OSBPL6: variants seen among roughly 807,000 people sequenced by gnomAD.
OSBPL6 encodes the protein oxysterol-binding protein-related protein 6.
OSBPL6 carries 49 observed loss-of-function variants against 125.8 expected under a neutral mutation model. That is an observed-to-expected ratio of 0.39 (90% CI 0.31 to 0.49). The LOEUF (loss-of-function observed/expected upper bound fraction) is 0.49, where lower values mean the gene tolerates loss of function less well. Ranked by LOEUF, OSBPL6 falls within the 20% of genes least tolerant of loss-of-function variation. The probability of loss-of-function intolerance (pLI) is 0.88; values close to 1 mark genes in which losing one functional copy is unlikely to be tolerated. For missense variants in OSBPL6, 986 were observed against 1,135.4 expected (o/e 0.87, Z 1.89); for synonymous variants, 394 against 391.8 (o/e 1.01, Z -0.07).
chr2:178,200,300 C>A (rs981589783), intron 1 of OSBPL6, among the ~76,000 whole-genome samples: 2 of 148,298 alleles, frequency 1.3e-5, no homozygotes, highest in African/African-American at 5.0e-5. Context: ...CACCCAGGCC[C>A]GAGTGCAGCG....
At chr2:178,270,134 G>C (rs1439346845) in intron 1 of OSBPL6, among the ~76,000 whole-genome samples, 1 of 152,134 alleles carries the variant, frequency 6.6e-6, no homozygotes, top group African/African-American at 2.4e-5. Flanking sequence ...GCAGGGTTGG[G>C]GGTAGGCTCA....
chr2:178,271,972 G>T (rs1392841206), intron 1 of OSBPL6, among the ~76,000 whole-genome samples: 13 of 152,186 alleles, frequency 8.5e-5, no homozygotes, highest in Admixed American at 8.5e-4. Flanking sequence ...GACTTAGATT[G>T]TTCTTTCAGG....
chr2:178,349,953 C>T (rs1347848276), intron 12 of OSBPL6, among the ~76,000 whole-genome samples: 2 of 152,186 alleles, frequency 1.3e-5, no homozygotes, highest in Non-Finnish European at 2.9e-5. Context: ...CTGCACACAA[C>T]TGTGCCGCCT....
intron 15 of OSBPL6, among the ~76,000 whole-genome samples, chr2:178,377,612 G>C (rs1694001145): frequency 6.6e-6 from 1 of 152,154 alleles, no homozygotes; most frequent in Non-Finnish European, 1.5e-5. Flanking sequence ...TGCAGGCTAG[G>C]CTCAAGCTAC....
chr2:178,391,109 G>C lies in OSBPL6; in HGVS notation c.2338G>C (p.Gly780Arg). The part of the protein sequence containing the change: ...YWNSNMNEVQ[G>R]VVIDQEGKAV... Reference sequence around the variant, plus strand: ...GAATTCTAACATGAATGAAGTCCAGGGGGTGGTGATAGATCAGGAGGGGAA... The same window carrying C: ...GAATTCTAACATGAATGAAGTCCAGCGGGTGGTGATAGATCAGGAGGGGAA... The change falls in exon 22 of 25, where the codon GGG becomes CGG. Residue 780 changes from glycine (G) to arginine (R), a missense_variant. Physicochemically the swap from Gly to Arg is moderately radical, Grantham distance 125. Coordinates refer to ENST00000190611, the MANE Select transcript of OSBPL6 (RefSeq NM_032523.4). 6.2e-7 allele frequency: 1 copy of C among 1,613,896 alleles called. No homozygotes were observed. The highest frequency in any genetic ancestry group is 8.5e-7 in the Non-Finnish European group (1 of 1,179,914).
At chr2:178,261,221 A>G (rs1383393691) in intron 1 of OSBPL6, among the ~76,000 whole-genome samples, 1 of 152,166 alleles carries the variant, frequency 6.6e-6, no homozygotes, top group Non-Finnish European at 1.5e-5. Flanking sequence ...AACTGGAAGA[A>G]AGGAATCTTT....
chr2:178,364,355 A>G (rs1282127341), intron 13 of OSBPL6, among the ~76,000 whole-genome samples: 4 of 152,242 alleles, frequency 2.6e-5, no homozygotes, highest in African/African-American at 7.2e-5. Flanking sequence ...TTACTCTGGT[A>G]CAGTATGGAG....
intron 1 of OSBPL6, among the ~76,000 whole-genome samples, chr2:178,273,403 G>A (rs13382863): frequency 0.075 from 11,419 of 152,000 alleles, 694 homozygotes; most frequent in African/African-American, 0.16. Context: ...AGCCTGGACA[G>A]CATGGTGAAA....
intron 1 of OSBPL6, among the ~76,000 whole-genome samples, chr2:178,195,427 G>C (rs1210094116): frequency 6.6e-6 from 1 of 152,234 alleles, no homozygotes; most frequent in Non-Finnish European, 1.5e-5. Context: ...GGGGATGCTG[G>C]GGGAGGAGGG....
intron 5 of OSBPL6, among the ~76,000 whole-genome samples, chr2:178,330,124 CT>C (rs1689070362): frequency 2.6e-5 from 4 of 152,152 alleles, no homozygotes; most frequent in Non-Finnish European, 5.9e-5. Flanking sequence ...GCCTTTCATC[CT>C]TTGTGTTTCC....
At chr2:178,365,476 A>G (rs971822174) in intron 13 of OSBPL6, among the ~76,000 whole-genome samples, 1 of 152,090 alleles carries the variant, frequency 6.6e-6, no homozygotes, top group African/African-American at 2.4e-5. Flanking sequence ...TGTTACTTCA[A>G]CCAGCCTGGT....
chr2:178,373,826 T>C, intron 14 of OSBPL6, 64 bp from the exon 15 acceptor site: 1 of 1,582,574 alleles, frequency 6.3e-7, no homozygotes, highest in Admixed American at 1.8e-5. Context: ...TCTGGCTAAT[T>C]TGAAGGAATA....
intron 1 of OSBPL6, among the ~76,000 whole-genome samples, chr2:178,217,820 A>G (rs2090152877): frequency 6.6e-6 from 1 of 152,212 alleles, no homozygotes; most frequent in Non-Finnish European, 1.5e-5. Context: ...CATCTTGAAC[A>G]TGATTGGCAC....
At position 178,350,876 on chromosome 2, in the gene OSBPL6, A is replaced by G. The variant is rs563688385; in HGVS notation, c.1153+1487A>G. ...GTACTTTGGAAGGCAGCCCCAGGAA[A>G]ACTTTGTGTATTTGGTTGCAATTCT... On this transcript the variant is annotated intron_variant, in intron 12 of 24. Transcript: ENST00000190611. 4.6e-5 allele frequency among the ~76,000 whole-genome samples: 7 copies of G among 152,304 alleles called. 1 individual carries two copies. The South Asian group carries it at 1.2e-3, about 27-fold the overall frequency.
intron 11 of OSBPL6, among the ~76,000 whole-genome samples, chr2:178,341,333 CTTTT>C (rs60436384): frequency 8.5e-6 from 1 of 117,406 alleles, no homozygotes. Context: ...CCAAATCATT[CTTTT>C]TTTTTTTTTT....
At chr2:178,390,163 G>A (rs1357950622) in intron 21 of OSBPL6, among the ~76,000 whole-genome samples, 1 of 152,178 alleles carries the variant, frequency 6.6e-6, no homozygotes, top group Non-Finnish European at 1.5e-5. Context: ...AATCAAGTCT[G>A]TAAGCTATAA....
chr2:178,226,999 A>G (rs901946958), intron 1 of OSBPL6, among the ~76,000 whole-genome samples: 1 of 152,218 alleles, frequency 6.6e-6, no homozygotes, highest in Non-Finnish European at 1.5e-5. Flanking sequence ...GGAGATATAA[A>G]TGAAACAAAA....
rs1696085307 is a variant in OSBPL6, at chr2:178,400,933, A to G, written c.*5374A>G. On this transcript the variant is annotated 3_prime_UTR_variant, in exon 25 of 25. Coordinates refer to ENST00000190611, the MANE Select transcript of OSBPL6 (RefSeq NM_032523.4). ...AACATGTTGTAACAGAAAGAATCCCATTAAGTCCTAGTTCTGGTAGCCCGG... is the reference window on the plus strand; with the variant it reads ...AACATGTTGTAACAGAAAGAATCCCGTTAAGTCCTAGTTCTGGTAGCCCGG... 1 of 152,276 alleles carries G rather than the reference A, an allele frequency of 6.6e-6. No homozygotes were observed. Among genetic ancestry groups the G allele is most frequent in the Non-Finnish European group, 1.5e-5 (1 of 68,038 alleles). 9.4% of individuals were successfully genotyped at this position (152,276 alleles called of 1,614,324 possible).
intron 13 of OSBPL6, among the ~76,000 whole-genome samples, chr2:178,371,689 T>C (rs1398115751): frequency 6.6e-6 from 1 of 152,220 alleles, no homozygotes; most frequent in Admixed American, 6.5e-5. Flanking sequence ...TTCTAACTAA[T>C]TTTTAAGATA....
Sources: gnomAD v4.1 joint callset for allele counts (sites outside exome capture counted in the v4.1 genomes callset) on GRCh38, gnomAD v4.1.1 for gene constraint, MANE v1.5 for transcripts, NCBI Gene and HGNC (gene_info 2026-07-23, HGNC 2026-07-21) for gene names.